The following AMH variants were observed in gnomAD, a reference collection of about 807,000 sequenced individuals.
AMH encodes the protein anti-Muellerian hormone.
AMH carries 39 observed loss-of-function variants against 33.3 expected under a neutral mutation model. That is an observed-to-expected ratio of 1.17 (90% CI 0.91 to 1.53). AMH has a LOEUF of 1.53. Ranked by LOEUF, AMH falls within the 40% of genes most tolerant of loss-of-function variation. AMH has a pLI of 0.00. For synonymous variants in AMH, 536 were observed against 403.0 expected, an observed-to-expected ratio of 1.33 and a Z score of -3.95; for missense variants, 1,019 against 799.8, an observed-to-expected ratio of 1.27 and a Z score of -3.30.
intron 1 of AMH, 112 bp from the exon 2 acceptor site, chr19:2,250,225 C>A: frequency 3.8e-5 from 57 of 1,493,972 alleles, no homozygotes; most frequent in Non-Finnish European, 5.1e-5. Context: ...GCACCCTTGT[C>A]CCCCGCTTGA....
chr19:2,251,351 T>C lies in AMH; in HGVS notation c.1077T>C (p.Asp359=), dbSNP rs2025039277. 2 of 1,491,308 alleles carry C rather than the reference T, an allele frequency of 1.3e-6. No individual in the cohort carries two copies. Among genetic ancestry groups the C allele is most frequent in the Admixed American group, 2.2e-5 (1 of 45,864 alleles). The allele number at this position is 1,491,308 out of a possible 1,614,324, so 92.4% of individuals were successfully genotyped here. A position where few individuals can be genotyped will look rare whatever the true frequency, so the allele number is the denominator to read the frequency against. The change falls in exon 5 of 5, where the codon GAT becomes GAC. Residue 359 remains aspartate, a synonymous_variant. Coordinates refer to ENST00000221496, the MANE Select transcript of AMH (RefSeq NM_000479.5). The part of the protein sequence containing the change: ...LLRPTAATTG[D]PAPLHDPTSA... ...GGCCCACTGCGGCCACCACCGGGGA[T>C]CCTGCGCCCCTGCACGACCCCACGT...
Position 2,251,962 on chromosome 19 carries a change from T to C in AMH, c.*5T>C, listed in dbSNP as rs1411154773. 22 of 1,540,588 alleles carry C rather than the reference T, an allele frequency of 1.4e-5. No individual in the cohort carries two copies. The highest frequency in any genetic ancestry group is 1.8e-5 in the Non-Finnish European group (21 of 1,150,814). On this transcript the variant is annotated 3_prime_UTR_variant, in exon 5 of 5. Coordinates refer to ENST00000221496, the MANE Select transcript of AMH (RefSeq NM_000479.5). Reference sequence around the variant, plus strand: ...ACCGAGTGTGGCTGCCGGTGACCCCTGCGCCGCGCGGACTCCTGCCCCGAG... The same window carrying C: ...ACCGAGTGTGGCTGCCGGTGACCCCCGCGCCGCGCGGACTCCTGCCCCGAG...
Position 2,251,696 on chromosome 19 carries a change from G to A in AMH, c.1422G>A (p.Glu474=), listed in dbSNP as rs763278759. Reference sequence around the variant, plus strand: ...AGCTCAGCGTAGACCTCCGCGCCGAGCGCTCCGTACTCATCCCCGAGACCT... The same window carrying A: ...AGCTCAGCGTAGACCTCCGCGCCGAACGCTCCGTACTCATCCCCGAGACCT... The part of the protein sequence containing the change: ...LRELSVDLRA[E]RSVLIPETYQ... The change falls in exon 5 of 5, where the codon GAG becomes GAA. Residue 474 remains glutamate, a synonymous_variant. Transcript: ENST00000221496. 6.2e-7 allele frequency: 1 copy of A among 1,611,500 alleles called. No individual in the cohort carries two copies. The highest frequency in any genetic ancestry group is 1.7e-5 in the Admixed American group (1 of 59,978).
In AMH at chr19:2,251,837, G is replaced by T. The variant is rs149702309; in HGVS notation, c.1563G>T (p.Ala521=). 1.0e-4 allele frequency: 165 copies of T among 1,599,082 alleles called. 2 individuals are homozygous for T. In the African/African-American group the frequency reaches 1.9e-3, roughly 19 times the overall value. Residue 521 remains alanine (A), a synonymous_variant, in exon 5 of 5, where the codon GCG becomes GCT. Coordinates refer to ENST00000221496, the MANE Select transcript of AMH (RefSeq NM_000479.5). ...TGCAGGTCCGTGGGGCCGCCCTGGC[G>T]CGCCCACCCTGCTGCGTGCCCACCG... ...LKMQVRGAAL[A]RPPCCVPTAY...
Position 2,251,288 on chromosome 19 carries a change from C to T in AMH, c.1014C>T (p.Arg338=), listed in dbSNP as rs775298247. 1.4e-4 allele frequency: 208 copies of T among 1,503,692 alleles called. No homozygotes were observed. Among genetic ancestry groups the T allele is most frequent in the African/African-American group, 1.2e-3 (84 of 69,048 alleles). The allele number at this position is 1,503,692 out of a possible 1,614,324, so 93.1% of individuals were successfully genotyped here. The change falls in exon 5 of 5, where the codon CGC becomes CGT. Residue 338 remains arginine, a synonymous_variant. Transcript: ENST00000221496. The stretch of plus-strand genomic sequence containing the variant: ...TGTCGGACCCCGCGGCGCTGGAGCG[C>T]CTACTCGACGGCGAGGAGCCGCTGC... ...VNLSDPAALE[R]LLDGEEPLLL...
At chr19:2,249,785 C>A in intron 1 of AMH, 41 bp downstream of exon 1, 1 of 1,464,676 alleles carries the variant, frequency 6.8e-7, no homozygotes, top group African/African-American at 1.4e-5. Flanking sequence ...CGCCGTCTTC[C>A]TTCAGGTGGG....
Position 2,251,200 on chromosome 19 carries a change from C to T in AMH, c.926C>T (p.Ser309Phe). The T allele has an allele frequency of 6.6e-7, 1 of 1,505,242 alleles. No homozygotes were observed. Among genetic ancestry groups the T allele is most frequent in the Non-Finnish European group, 8.8e-7 (1 of 1,134,060 alleles). The allele number at this position is 1,505,242 out of a possible 1,614,324, so 93.2% of individuals were successfully genotyped here. ...RALRVPPARA[S>F]APRLALDPDA... ...CTGCGGGTCCCCCCGGCCCGGGCCT[C>T]CGCGCCGCGCCTGGCCCTGGATCCG... The change falls in exon 5 of 5, where the codon TCC (serine) becomes TTC (phenylalanine). Residue 309 changes from serine to phenylalanine, a missense_variant. Coordinates refer to ENST00000221496, the MANE Select transcript of AMH (RefSeq NM_000479.5).
In AMH at chr19:2,251,369, C is replaced by A; in HGVS notation, c.1095C>A (p.Asp365Glu). Residue 365 changes from aspartate to glutamate, a missense_variant, in exon 5 of 5, where the codon GAC (aspartate) becomes GAA (glutamate). Physicochemically the swap from Asp to Glu is conservative, Grantham distance 45 (BLOSUM62 2). Coordinates refer to ENST00000221496, the MANE Select transcript of AMH (RefSeq NM_000479.5). ...ATTGDPAPLH[D>E]PTSAPWATAL... ...CCGGGGATCCTGCGCCCCTGCACGA[C>A]CCCACGTCGGCGCCGTGGGCCACGG... The A allele has an allele frequency of 6.8e-7, 1 of 1,476,152 alleles. No homozygotes were observed. The highest frequency in any genetic ancestry group is 8.9e-7 in the Non-Finnish European group (1 of 1,120,656). The allele number at this position is 1,476,152 out of a possible 1,614,324, so 91.4% of individuals were successfully genotyped here. A position where few individuals can be genotyped will look rare whatever the true frequency, so the allele number is the denominator to read the frequency against.
At chr19:2,250,057 A>C in intron 1 of AMH, 1 of 623,310 alleles carries the variant, frequency 1.6e-6, no homozygotes. Flanking sequence ...GCCTGTTCTC[A>C]GGGCCGCTGG....
At position 2,250,973 on chromosome 19, in the gene AMH, C is replaced by G; in HGVS notation, c.789C>G (p.His263Gln). The G allele has an allele frequency of 6.6e-7, 1 of 1,520,562 alleles. No individual in the cohort carries two copies. The highest frequency in any genetic ancestry group is 8.8e-7 in the Non-Finnish European group (1 of 1,141,650). 94.2% of individuals were successfully genotyped at this position (1,520,562 alleles called of 1,614,324 possible). ...PRSEPAPLPA[H>Q]GQLDTVPFPP... Reference sequence around the variant, plus strand: ...CCGAGCCCGCGCCGCTGCCTGCGCACGGCCAGCTGGACACCGTGCCCTTCC... The same window carrying G: ...CCGAGCCCGCGCCGCTGCCTGCGCAGGGCCAGCTGGACACCGTGCCCTTCC... The change falls in exon 4 of 5, where the codon CAC becomes CAG. Residue 263 changes from histidine (H) to glutamine (Q), a missense_variant. Transcript: ENST00000221496.
rs1337285334 is a variant in AMH at position 2,250,644 on chromosome 19, C to T, written c.556-8C>T. On this transcript the variant is annotated splice_polypyrimidine_tract_variant and splice_region_variant and intron_variant, in intron 2 of 4. Coordinates refer to ENST00000221496, the MANE Select transcript of AMH (RefSeq NM_000479.5). The stretch of plus-strand genomic sequence containing the variant: ...CCATCCAGCCGGGCTGAGCCCTGGT[C>T]TCCGCAGAGCCTCTGCCCCTCCCGA... 2 of 1,538,546 alleles carry T rather than the reference C, an allele frequency of 1.3e-6. No individual in the cohort carries two copies. Among genetic ancestry groups the T allele is most frequent in the Non-Finnish European group, 1.7e-6 (2 of 1,146,764 alleles).
Position 2,251,169 on chromosome 19 carries a change from C to G in AMH, c.895C>G (p.Arg299Gly). Residue 299 changes from arginine (R) to glycine (G), a missense_variant, in exon 5 of 5, where the codon CGG becomes GGG. Arg to Gly is a moderately radical substitution (Grantham distance 125). Transcript: ENST00000221496. ...PFLETLTRLVRALRVPPARAS... is the reference protein window; with the variant it reads ...PFLETLTRLVGALRVPPARAS... ...CCTGGAGACGCTCACGCGCCTGGTG[C>G]GGGCGCTGCGGGTCCCCCCGGCCCG... The G allele has an allele frequency of 6.6e-7, 1 of 1,515,808 alleles. No individual in the cohort carries two copies. Among genetic ancestry groups the G allele is most frequent in the East Asian group, 2.6e-5 (1 of 38,676 alleles). 93.9% of individuals were successfully genotyped at this position (1,515,808 alleles called of 1,614,324 possible).
rs942175705 is a variant in AMH at position 2,249,582 on chromosome 19, C to G, written c.250C>G (p.Leu84Val). ...GALSAYEQAF[L>V]GAVQRARWGP... ...TCTAAGCGCCTATGAGCAGGCCTTC[C>G]TGGGGGCCGTGCAGAGGGCCCGCTG... Residue 84 changes from leucine (L) to valine (V), a missense_variant, in exon 1 of 5, where the codon CTG becomes GTG. Coordinates refer to ENST00000221496, the MANE Select transcript of AMH (RefSeq NM_000479.5). 7 of 1,568,542 alleles carry G rather than the reference C, an allele frequency of 4.5e-6. No individual in the cohort carries two copies. The highest frequency in any genetic ancestry group is 5.2e-6 in the Non-Finnish European group (6 of 1,159,372).
chr19:2,250,568 A>AC, intron 2 of AMH, 84 bp from the exon 3 acceptor site: 1 of 1,537,940 alleles, frequency 6.5e-7, no homozygotes, highest in Non-Finnish European at 8.7e-7. Flanking sequence ...ACAGCGTAGA[A>AC]CCAGTGGCGA....
Position 2,251,681 on chromosome 19 carries a change from A to T in AMH, c.1407A>T (p.Val469=), listed in dbSNP as rs1432073049. 1.9e-6 allele frequency: 3 copies of T among 1,610,732 alleles called. No individual in the cohort carries two copies. In the African/African-American group the frequency reaches 4.0e-5, roughly 22 times the overall value. ...DGPCALRELS[V]DLRAERSVLI... ...CGTGCGCGCTGCGCGAGCTCAGCGT[A>T]GACCTCCGCGCCGAGCGCTCCGTAC... The change falls in exon 5 of 5, where the codon GTA becomes GTT. Residue 469 remains valine, a synonymous_variant. Transcript: ENST00000221496.
intron 1 of AMH, 148 bp downstream of exon 1, chr19:2,249,892 C>A: frequency 2.1e-6 from 2 of 952,082 alleles, no homozygotes; most frequent in Non-Finnish European, 3.0e-6. Flanking sequence ...GGGTCCGTGG[C>A]CTGGAAGGTG....
chr19:2,249,468 C>G lies in AMH; in HGVS notation c.136C>G (p.Pro46Ala), dbSNP rs148294311. The G allele has an allele frequency of 2.5e-4, 407 of 1,606,964 alleles. No homozygotes were observed. The highest frequency in any genetic ancestry group is 3.0e-4 in the Non-Finnish European group (358 of 1,177,628). ...GLIFREDLDW[P>A]PGSPQEPLCL... is the part of the protein sequence containing the mutation. Reference sequence around the variant, plus strand: ...CATCTTCCGAGAAGACTTGGACTGGCCTCCAGGCAGCCCACAAGAGCCTCT... The same window carrying G: ...CATCTTCCGAGAAGACTTGGACTGGGCTCCAGGCAGCCCACAAGAGCCTCT... The change falls in exon 1 of 5, where the codon CCT (proline) becomes GCT (alanine). Residue 46 changes from proline to alanine, a missense_variant. Physicochemically the swap from Pro to Ala is conservative, Grantham distance 27. Transcript: ENST00000221496.
Position 2,250,952 on chromosome 19 carries a change from G to A in AMH, c.768G>A (p.Glu256=), listed in dbSNP as rs1272128917. ...CCCTGCTCCTGCTGCCGCGGTCCGA[G>A]CCCGCGCCGCTGCCTGCGCACGGCC... ...TPALLLLPRS[E]PAPLPAHGQL... Residue 256 remains glutamate, a synonymous_variant, in exon 4 of 5, where the codon GAG becomes GAA. Transcript: ENST00000221496. The A allele has an allele frequency of 9.2e-6, 14 of 1,530,020 alleles. No individual in the cohort carries two copies. In the South Asian group the frequency reaches 1.2e-4, roughly 13 times the overall value. The allele number at this position is 1,530,020 out of a possible 1,614,324, so 94.8% of individuals were successfully genotyped here.
Position 2,251,864 on chromosome 19 carries a change from C to A in AMH, c.1590C>A (p.Ala530=). 6.3e-7 allele frequency: 1 copy of A among 1,590,416 alleles called. No homozygotes were observed. Among genetic ancestry groups the A allele is most frequent in the South Asian group, 1.1e-5 (1 of 89,628 alleles). Residue 530 remains alanine (A), a synonymous_variant, in exon 5 of 5, where the codon GCC becomes GCA. Transcript: ENST00000221496. ...LARPPCCVPT[A]YAGKLLISLS... Reference sequence around the variant, plus strand: ...GCCCACCCTGCTGCGTGCCCACCGCCTACGCGGGCAAGCTGCTCATCAGCC... The same window carrying A: ...GCCCACCCTGCTGCGTGCCCACCGCATACGCGGGCAAGCTGCTCATCAGCC...
Sources: gnomAD v4.1 joint callset for allele counts on GRCh38, gnomAD v4.1.1 for gene constraint, MANE v1.5 for transcripts, NCBI Gene and HGNC (gene_info 2026-07-23, HGNC 2026-07-21) for gene names.